GULP1: variants seen among roughly 807,000 people sequenced by gnomAD.
GULP1 encodes PTB domain-containing engulfment adapter protein 1.
A neutral mutation model predicts 40.9 loss-of-function variants in GULP1; 19 were observed. The ratio of observed to expected loss-of-function variants is 0.46; its 90% CI spans 0.32 to 0.68. The LOEUF is 0.68. GULP1 is among the 30% of genes least tolerant of loss of function. The pLI is 0.03. For synonymous variants in GULP1, 119 were observed against 117.6 expected (o/e 1.01, Z -0.08); for missense variants, 312 against 362.2 (o/e 0.86, Z 1.12).
At chr2:188,385,124 A>G (rs2049514977) in intron 2 of GULP1, among the ~76,000 whole-genome samples, 2 of 152,120 alleles carry the variant, frequency 1.3e-5, no homozygotes, top group African/African-American at 2.4e-5. Context: ...TGCCTTCCAC[A>G]CTGCCCTAGG....
intron 1 of GULP1, 110 bp from the exon 2 acceptor site, chr2:188,383,653 T>C (rs1031133413): frequency 6.6e-6 from 1 of 152,194 alleles, no homozygotes; most frequent in African/African-American, 2.4e-5. Context: ...TCTTGAACAT[T>C]TGCAAGAAGC....
intron 4 of GULP1, among the ~76,000 whole-genome samples, chr2:188,506,163 T>C (rs112180526): frequency 1.3e-5 from 2 of 152,012 alleles, no homozygotes; most frequent in African/African-American, 4.8e-5. Flanking sequence ...TACACTCCTT[T>C]TGTCTTTTAA....
At chr2:188,307,775 A>G (rs1046410089) in intron 1 of GULP1, among the ~76,000 whole-genome samples, 1 of 152,178 alleles carries the variant, frequency 6.6e-6, no homozygotes, top group Non-Finnish European at 1.5e-5. Flanking sequence ...GTGTATAGCC[A>G]TTGATTTAGG....
intron 4 of GULP1, among the ~76,000 whole-genome samples, chr2:188,504,069 A>AG (rs2063688764): frequency 6.6e-6 from 1 of 151,856 alleles, no homozygotes; most frequent in Non-Finnish European, 1.5e-5. Flanking sequence ...ACTACAGAGT[A>AG]TCTCAAAAGT....
At chr2:188,456,994 G>C (rs2059322002) in intron 2 of GULP1, among the ~76,000 whole-genome samples, 1 of 152,158 alleles carries the variant, frequency 6.6e-6, no homozygotes, top group Non-Finnish European at 1.5e-5. Flanking sequence ...CATGGGGCCT[G>C]TAGTCCCTTG....
At chr2:188,550,647 A>T (rs952568508) in intron 7 of GULP1, among the ~76,000 whole-genome samples, 1 of 151,654 alleles carries the variant, frequency 6.6e-6, no homozygotes, top group Non-Finnish European at 1.5e-5. Context: ...AAAGAATCAT[A>T]CATTATTAGT....
At chr2:188,482,562 T>C (rs1369999291) in intron 3 of GULP1, among the ~76,000 whole-genome samples, 1 of 151,748 alleles carries the variant, frequency 6.6e-6, no homozygotes, top group Non-Finnish European at 1.5e-5. Flanking sequence ...AAGTGCAGAT[T>C]CAAAAAAAGC....
chr2:188,401,825 T>C (rs1228452014), intron 2 of GULP1, among the ~76,000 whole-genome samples: 1 of 152,100 alleles, frequency 6.6e-6, no homozygotes, highest in Non-Finnish European at 1.5e-5. Context: ...GACACAGAAA[T>C]AGATCATTTT....
intron 1 of GULP1, among the ~76,000 whole-genome samples, chr2:188,371,327 GT>G (rs371626674): frequency 2.5e-3 from 378 of 152,176 alleles, no homozygotes; most frequent in African/African-American, 8.1e-3. Context: ...ATGAATGAGA[GT>G]TTTTCTTTTC....
At chr2:188,454,140 A>T (rs146887592) in intron 2 of GULP1, among the ~76,000 whole-genome samples, 20 of 152,316 alleles carry the variant, frequency 1.3e-4, no homozygotes, top group Non-Finnish European at 2.2e-4. Flanking sequence ...GCTGCTCCCA[A>T]GCTCTTGTCC....
intron 1 of GULP1, among the ~76,000 whole-genome samples, chr2:188,367,582 C>T (rs1328538024): frequency 1.3e-5 from 2 of 152,118 alleles, no homozygotes; most frequent in Non-Finnish European, 2.9e-5. Context: ...ATTTATTTGT[C>T]AAGTTTCAGT....
At chr2:188,395,551 T>C (rs1239253428) in intron 2 of GULP1, among the ~76,000 whole-genome samples, 1 of 152,178 alleles carries the variant, frequency 6.6e-6, no homozygotes, top group African/African-American at 2.4e-5. Flanking sequence ...TTTTCCCCAC[T>C]GAGCCTGGCA....
chr2:188,318,581 G>A (rs1298262178), intron 1 of GULP1, among the ~76,000 whole-genome samples: 2 of 152,100 alleles, frequency 1.3e-5, no homozygotes, highest in African/African-American at 4.8e-5. Flanking sequence ...AAGGGGCAGA[G>A]GCAGCTTTCC....
At chr2:188,406,709 A>G (rs1441024319) in intron 2 of GULP1, among the ~76,000 whole-genome samples, 2 of 152,090 alleles carry the variant, frequency 1.3e-5, no homozygotes, top group Non-Finnish European at 2.9e-5. Context: ...ATGAAGAAAT[A>G]TTACAAGACT....
intron 2 of GULP1, among the ~76,000 whole-genome samples, chr2:188,399,402 C>T (rs1474625332): frequency 1.3e-5 from 2 of 152,138 alleles, no homozygotes; most frequent in African/African-American, 2.4e-5. Flanking sequence ...CCAGGAACCA[C>T]GGCAACTGAT....
chr2:188,474,501 C>G (rs552653701), intron 2 of GULP1, among the ~76,000 whole-genome samples: 1 of 152,234 alleles, frequency 6.6e-6, no homozygotes, highest in East Asian at 1.9e-4. Context: ...TGTGGTTTTC[C>G]TTTTTGTTAT....
At chr2:188,540,829 CTT>C (rs1690277096) in intron 6 of GULP1, among the ~76,000 whole-genome samples, 1 of 152,002 alleles carries the variant, frequency 6.6e-6, no homozygotes, top group Non-Finnish European at 1.5e-5. Flanking sequence ...GTGGGGGTGT[CTT>C]ATTCTTTCTG....
At chr2:188,483,795 G>T (rs2061625064) in intron 4 of GULP1, among the ~76,000 whole-genome samples, 1 of 151,962 alleles carries the variant, frequency 6.6e-6, no homozygotes, top group Non-Finnish European at 1.5e-5. Context: ...TAACAAATTA[G>T]CTTTCTTTAA....
At chr2:188,516,972 A>G (rs1363004306) in intron 4 of GULP1, among the ~76,000 whole-genome samples, 1 of 152,166 alleles carries the variant, frequency 6.6e-6, no homozygotes, top group African/African-American at 2.4e-5. Flanking sequence ...CACAGAAAGC[A>G]GACACAGTCA....
Sources: gnomAD v4.1 joint callset for allele counts (sites outside exome capture counted in the v4.1 genomes callset) on GRCh38, gnomAD v4.1.1 for gene constraint, MANE v1.5 for transcripts, NCBI Gene and HGNC (gene_info 2026-07-23, HGNC 2026-07-21) for gene names.